SLC24A3: variants seen among roughly 807,000 people sequenced by gnomAD.
SLC24A3 encodes solute carrier family 24 member 3.
SLC24A3 carries 28 observed loss-of-function variants against 75.8 expected under a neutral mutation model. The ratio of observed to expected loss-of-function variants is 0.37; its 90% CI spans 0.27 to 0.51. The LOEUF is 0.51. SLC24A3 is among the 20% of genes least tolerant of loss of function. The probability of loss-of-function intolerance (pLI) is 0.94; values close to 1 mark genes in which losing one functional copy is unlikely to be tolerated. For synonymous variants in SLC24A3, 372 were observed against 334.1 expected (o/e 1.11, Z -1.24); for missense variants, 663 against 847.8 (o/e 0.78, Z 2.71).
chr20:19,475,182 CA>C (rs1600244698), intron 2 of SLC24A3, among the ~76,000 whole-genome samples: 1 of 151,918 alleles, frequency 6.6e-6, no homozygotes, highest in Non-Finnish European at 1.5e-5. Context: ...ACTAAAAATA[CA>C]AAAAAATTAG....
chr20:19,213,171 G>A, intron 1 of SLC24A3, 187 bp downstream of exon 1: 1 of 597,272 alleles, frequency 1.7e-6, no homozygotes, highest in East Asian at 4.2e-5. Flanking sequence ...TGGAGGTGGG[G>A]ACCCTGAGCG....
intron 3 of SLC24A3, among the ~76,000 whole-genome samples, chr20:19,550,254 T>C (rs1268503929): frequency 6.6e-6 from 1 of 152,238 alleles, no homozygotes; most frequent in Non-Finnish European, 1.5e-5. Flanking sequence ...TTCTACTTTA[T>C]GTATTTCTTT....
chr20:19,575,430 A>C (rs1300718128), intron 3 of SLC24A3, among the ~76,000 whole-genome samples: 3 of 152,046 alleles, frequency 2.0e-5, no homozygotes, highest in Non-Finnish European at 4.4e-5. Flanking sequence ...CATAAAGCAA[A>C]AGGGAGGCCA....
intron 2 of SLC24A3, among the ~76,000 whole-genome samples, chr20:19,349,403 A>G (rs1047345661): frequency 3.3e-5 from 5 of 152,158 alleles, no homozygotes; most frequent in Admixed American, 1.3e-4. Flanking sequence ...ACTACTTAGT[A>G]TGTATTATCA....
At chr20:19,629,710 C>T (rs868099535) in intron 6 of SLC24A3, among the ~76,000 whole-genome samples, 1 of 152,130 alleles carries the variant, frequency 6.6e-6, no homozygotes, top group African/African-American at 2.4e-5. Context: ...ATGGATTTCT[C>T]AGAAGAAGCC....
intron 2 of SLC24A3, among the ~76,000 whole-genome samples, chr20:19,454,752 A>G (rs1466009902): frequency 1.3e-5 from 2 of 152,214 alleles, no homozygotes; most frequent in African/African-American, 4.8e-5. Context: ...CCTGCAGATG[A>G]ATGAGATGAA....
intron 3 of SLC24A3, among the ~76,000 whole-genome samples, chr20:19,568,306 A>G (rs550313968): frequency 1.3e-5 from 2 of 152,352 alleles, no homozygotes; most frequent in South Asian, 2.1e-4. Context: ...AAGAATTGAA[A>G]TCGGGGACTC....
chr20:19,602,778 A>C (rs997942383), intron 6 of SLC24A3, among the ~76,000 whole-genome samples: 1 of 152,136 alleles, frequency 6.6e-6, no homozygotes, highest in Non-Finnish European at 1.5e-5. Context: ...GCCTGTCCAA[A>C]CCAGATGGCA....
chr20:19,379,964 A>G (rs950513774), intron 2 of SLC24A3, among the ~76,000 whole-genome samples: 10 of 152,260 alleles, frequency 6.6e-5, no homozygotes, highest in Non-Finnish European at 8.8e-5. Flanking sequence ...ATATATATGA[A>G]GCACATTGCT....
intron 3 of SLC24A3, among the ~76,000 whole-genome samples, chr20:19,572,337 C>T (rs368656214): frequency 6.8e-4 from 103 of 152,198 alleles, no homozygotes; most frequent in East Asian, 4.2e-3. Flanking sequence ...CAGAGCATGA[C>T]CCCATCTCTA....
At chr20:19,455,114 A>C (rs1568622821) in intron 2 of SLC24A3, among the ~76,000 whole-genome samples, 1 of 152,216 alleles carries the variant, frequency 6.6e-6, no homozygotes, top group Non-Finnish European at 1.5e-5. Flanking sequence ...TGCAAGTAGA[A>C]TGGAGTCACC....
intron 2 of SLC24A3, among the ~76,000 whole-genome samples, chr20:19,486,944 C>A (rs1988135491): frequency 6.6e-6 from 1 of 152,170 alleles, no homozygotes; most frequent in Admixed American, 6.5e-5. Flanking sequence ...TGCCATGGAG[C>A]CCTGCTTCTC....
intron 7 of SLC24A3, among the ~76,000 whole-genome samples, chr20:19,660,678 G>A (rs1192606570): frequency 6.6e-6 from 1 of 151,588 alleles, no homozygotes; most frequent in Non-Finnish European, 1.5e-5. Flanking sequence ...TGGATTGAAG[G>A]GTAGATCTAC....
chr20:19,491,738 G>A (rs1445101506), intron 2 of SLC24A3, among the ~76,000 whole-genome samples: 1 of 152,176 alleles, frequency 6.6e-6, no homozygotes, highest in Non-Finnish European at 1.5e-5. Context: ...GGAAAGGAGT[G>A]GGAGAGGAAA....
At chr20:19,460,981 G>A (rs1305251124) in intron 2 of SLC24A3, among the ~76,000 whole-genome samples, 1 of 152,176 alleles carries the variant, frequency 6.6e-6, no homozygotes, top group African/African-American at 2.4e-5. Context: ...ACCAGGCTTT[G>A]GTTGTTTTAA....
intron 1 of SLC24A3, among the ~76,000 whole-genome samples, chr20:19,248,529 A>G (rs926075206): frequency 6.6e-5 from 10 of 152,168 alleles, no homozygotes; most frequent in Non-Finnish European, 1.2e-4. Context: ...AGAAAAGGGA[A>G]CCCTAGTACC....
chr20:19,458,502 A>C (rs1987617035), intron 2 of SLC24A3, among the ~76,000 whole-genome samples: 1 of 152,204 alleles, frequency 6.6e-6, no homozygotes, highest in Non-Finnish European at 1.5e-5. Flanking sequence ...ACTGAAACTC[A>C]TCAAACAACA....
In SLC24A3 at chr20:19,578,279, T is replaced by C. The variant is rs115494547; in HGVS notation, c.349-1721T>C. On this transcript the variant is annotated intron_variant, in intron 3 of 16. Transcript: ENST00000328041. ...CATTTGGGACGTGTGTGTGTGTGTG[T>C]GCATACATGCTTGCGTGTGTGTGCC... 2.6e-3 allele frequency among the ~76,000 whole-genome samples: 391 copies of C among 152,202 alleles called. 3 individuals are homozygous for C. Among genetic ancestry groups the C allele is most frequent in the African/African-American group, 9.2e-3 (383 of 41,532 alleles).
At chr20:19,372,427 G>A (rs1986008380) in intron 2 of SLC24A3, among the ~76,000 whole-genome samples, 1 of 152,206 alleles carries the variant, frequency 6.6e-6, no homozygotes, top group South Asian at 2.1e-4. Context: ...CCCACTTTCT[G>A]AGGGTAAGGG....
Sources: allele counts gnomAD v4.1 joint callset (sites outside exome capture counted in the v4.1 genomes callset), GRCh38; gene constraint gnomAD v4.1.1; transcripts MANE v1.5; gene names NCBI Gene and HGNC (gene_info 2026-07-23, HGNC 2026-07-21).